Variants in BNC2 observed in about 807,000 individuals in gnomAD.
BNC2 encodes the protein basonuclin zinc finger protein 2, also known as zinc finger protein basonuclin-2.
In BNC2, 20 loss-of-function variants were observed where a neutral mutation model predicts 76.3. The ratio of observed to expected loss-of-function variants is 0.26; its 90% CI spans 0.18 to 0.38. The LOEUF (loss-of-function observed/expected upper bound fraction) is 0.38. Among genes scored for constraint, BNC2 ranks in the 10% least tolerant of loss-of-function variants. BNC2 has a pLI of 1.00. For synonymous variants in BNC2, 582 were observed against 514.8 expected (o/e 1.13, Z -1.77); for missense variants, 1,382 against 1,399.8 (o/e 0.99, Z 0.20).
intron 1 of BNC2, among the ~76,000 whole-genome samples, chr9:16,836,080 G>A (rs1818699636): frequency 6.6e-6 from 1 of 152,064 alleles, no homozygotes. Context: ...AGGCCTACAG[G>A]GATTGATTTT....
chr9:16,633,451 C>G (rs950896285), intron 3 of BNC2, among the ~76,000 whole-genome samples: 1 of 152,208 alleles, frequency 6.6e-6, no homozygotes, highest in Non-Finnish European at 1.5e-5. Context: ...ACATTCTTTT[C>G]TACTTAAAAG....
intron 3 of BNC2, among the ~76,000 whole-genome samples, chr9:16,628,260 T>C (rs1017706398): frequency 1.3e-5 from 2 of 152,232 alleles, no homozygotes; most frequent in Admixed American, 6.5e-5. Context: ...TAAGTGTGTC[T>C]GCCTTCTCAG....
At chr9:16,458,437 A>G (rs1214182495) in intron 5 of BNC2, among the ~76,000 whole-genome samples, 3 of 152,218 alleles carry the variant, frequency 2.0e-5, no homozygotes, top group Non-Finnish European at 4.4e-5. Flanking sequence ...CTTGGTTTTG[A>G]TTTTGTATTC....
At chr9:16,806,541 G>C (rs1460713002) in intron 1 of BNC2, among the ~76,000 whole-genome samples, 2 of 152,154 alleles carry the variant, frequency 1.3e-5, no homozygotes, top group Non-Finnish European at 2.9e-5. Context: ...TACGCCATAA[G>C]TAAAGTGTTG....
chr9:16,834,278 AGT>A (rs1293156868), intron 1 of BNC2, among the ~76,000 whole-genome samples: 7 of 152,224 alleles, frequency 4.6e-5, no homozygotes, highest in African/African-American at 1.4e-4. Flanking sequence ...TAAAAAATTC[AGT>A]GTTACAGATT....
At chr9:16,553,481 A>G (rs1261616343) in intron 4 of BNC2, among the ~76,000 whole-genome samples, 1 of 152,226 alleles carries the variant, frequency 6.6e-6, no homozygotes, top group East Asian at 1.9e-4. Flanking sequence ...AAAGAAAATT[A>G]AAGTCATAAT....
intron 1 of BNC2, among the ~76,000 whole-genome samples, chr9:16,819,901 G>A (rs1335725567): frequency 1.3e-5 from 2 of 152,004 alleles, no homozygotes; most frequent in South Asian, 2.1e-4. Context: ...AAGGCAGGAG[G>A]ATCACTTCAG....
chr9:16,720,951 T>A (rs978089074), intron 3 of BNC2, among the ~76,000 whole-genome samples: 1 of 152,206 alleles, frequency 6.6e-6, no homozygotes, highest in Non-Finnish European at 1.5e-5. Context: ...ACCTGAGGGT[T>A]TGAATGTACA....
intron 5 of BNC2, among the ~76,000 whole-genome samples, chr9:16,477,678 T>A (rs1223183489): frequency 6.6e-6 from 1 of 152,162 alleles, no homozygotes; most frequent in African/African-American, 2.4e-5. Flanking sequence ...CATATATAAT[T>A]ATATTTCATT....
At chr9:16,640,228 A>G (rs529072878) in intron 3 of BNC2, among the ~76,000 whole-genome samples, 1 of 152,332 alleles carries the variant, frequency 6.6e-6, no homozygotes, top group South Asian at 2.1e-4. Flanking sequence ...GAGTAATAAA[A>G]TAAGTGCATT....
chr9:16,439,908 T>C (rs148416107), intron 5 of BNC2, among the ~76,000 whole-genome samples: 205 of 152,288 alleles, frequency 1.3e-3, no homozygotes, highest in South Asian at 0.012. Flanking sequence ...AATACTCTTA[T>C]ACAACTATCT....
intron 5 of BNC2, among the ~76,000 whole-genome samples, chr9:16,492,287 G>A (rs1239515427): frequency 6.6e-6 from 1 of 152,182 alleles, no homozygotes; most frequent in Non-Finnish European, 1.5e-5. Context: ...AGCAAGAGGT[G>A]AAAATCTTGG....
intron 1 of BNC2, among the ~76,000 whole-genome samples, chr9:16,844,030 C>A (rs1818901641): frequency 6.6e-6 from 1 of 152,048 alleles, no homozygotes; most frequent in Admixed American, 6.6e-5. Context: ...ACCTACGAAG[C>A]ACGAGGATAG....
intron 1 of BNC2, among the ~76,000 whole-genome samples, chr9:16,771,952 A>T (rs1825844351): frequency 6.6e-6 from 1 of 152,226 alleles, no homozygotes; most frequent in Admixed American, 6.5e-5. Context: ...GGCAGGGACT[A>T]TAAATGGAAA....
chr9:16,458,620 A>G (rs1268213735), intron 5 of BNC2, among the ~76,000 whole-genome samples: 1 of 152,248 alleles, frequency 6.6e-6, no homozygotes, highest in African/African-American at 2.4e-5. Context: ...CTACATGTAG[A>G]AGTGTACAAA....
intron 3 of BNC2, among the ~76,000 whole-genome samples, chr9:16,625,233 C>G (rs1449368502): frequency 6.6e-6 from 1 of 152,142 alleles, no homozygotes; most frequent in Non-Finnish European, 1.5e-5. Flanking sequence ...TTAATGTCAG[C>G]TTTGCGTCCT....
chr9:16,665,370 CAAAA>C (rs1195291523), intron 3 of BNC2, among the ~76,000 whole-genome samples: 8 of 3,032 alleles, frequency 2.6e-3, no homozygotes, highest in African/African-American at 6.6e-3. Context: ...ACCTCTGTCT[CAAAA>C]AAAAAAAAAA....
chr9:16,435,000 C>T (rs781040029), intron 6 of BNC2: 2 of 471,268 alleles, frequency 4.2e-6, no homozygotes, highest in South Asian at 3.1e-5. Flanking sequence ...ACACTAAATA[C>T]TCATGTAAGG....
intron 1 of BNC2, among the ~76,000 whole-genome samples, chr9:16,845,647 A>G (rs540458468): frequency 1.5e-3 from 223 of 151,928 alleles, no homozygotes; most frequent in Non-Finnish European, 2.6e-3. Flanking sequence ...CGTGAACTTG[A>G]GAGGCGGAGC....
Sources: allele counts gnomAD v4.1 joint callset (sites outside exome capture counted in the v4.1 genomes callset), GRCh38; gene constraint gnomAD v4.1.1; transcripts MANE v1.5; gene names NCBI Gene and HGNC (gene_info 2026-07-23, HGNC 2026-07-21).